MIOX: variants seen among roughly 807,000 people sequenced by gnomAD.
The protein encoded by MIOX is inositol oxygenase.
In MIOX, 51 loss-of-function variants were observed where a neutral mutation model predicts 42.7. That is an observed-to-expected ratio of 1.19 (90% confidence interval 0.95 to 1.51). The LOEUF is 1.51. Ranked by LOEUF, MIOX falls within the 40% of genes most tolerant of loss-of-function variation. MIOX has a pLI of 0.00. For synonymous variants in MIOX, 168 were observed against 154.4 expected, an observed-to-expected ratio of 1.09 and a Z score of -0.65; for missense variants, 395 against 381.3, an observed-to-expected ratio of 1.04 and a Z score of -0.30.
At position 50,489,211 on chromosome 22, in the gene MIOX, C is replaced by G. The variant is rs1174863506; in HGVS notation, c.519-17C>G. The G allele has an allele frequency of 5.6e-6, 9 of 1,610,918 alleles. No homozygotes were observed. The highest frequency in any genetic ancestry group is 6.8e-6 in the Non-Finnish European group (8 of 1,179,754). On this transcript the variant is annotated splice_polypyrimidine_tract_variant and intron_variant, in intron 6 of 9. Coordinates refer to ENST00000216075, the MANE Select transcript of MIOX (RefSeq NM_017584.6). ...GGGCGGCTGCTGAGCCCTCCTCACC[C>G]TGGTATCTCACTGCAGCACAGAGCT...
chr22:50,488,084 G>A (rs777347134), intron 4 of MIOX, 36 bp downstream of exon 4: 1 of 1,611,542 alleles, frequency 6.2e-7, no homozygotes, highest in East Asian at 2.2e-5. Context: ...GGCAGGTGCT[G>A]CCTCCAAGGG....
At chr22:50,488,839 G>A (rs1351324798) in intron 5 of MIOX, among the ~76,000 whole-genome samples, 1 of 79,780 alleles carries the variant, frequency 1.3e-5, no homozygotes, top group African/African-American at 4.6e-5. Flanking sequence ...TCTGCAGTGG[G>A]CAGTCATCGG....
At chr22:50,488,107 A>C (rs1000756854) in intron 4 of MIOX, 59 bp downstream of exon 4, 57 of 1,606,780 alleles carry the variant, frequency 3.5e-5, no homozygotes, top group Non-Finnish European at 4.7e-5. Context: ...AGAATGCAGC[A>C]GCCTGTAGGG....
chr22:50,490,256 T>G lies in MIOX; in HGVS notation c.*400T>G. ...CCACATGCTCAAAACAGTCACCAAG[T>G]CCTCTGGGCTCCGTCCCCTTAAAAA... On this transcript the variant is annotated 3_prime_UTR_variant, in exon 10 of 10. Coordinates refer to ENST00000216075, the MANE Select transcript of MIOX (RefSeq NM_017584.6). 1 of 235,254 alleles carries G rather than the reference T, an allele frequency of 4.3e-6. No homozygotes were observed. Among genetic ancestry groups the G allele is most frequent in the Non-Finnish European group, 8.5e-6 (1 of 117,674 alleles). 14.6% of individuals were successfully genotyped at this position (235,254 alleles called of 1,614,324 possible).
chr22:50,488,228 C>A (rs150083164), intron 4 of MIOX, 47 bp from the exon 5 acceptor site: 69 of 1,611,872 alleles, frequency 4.3e-5, no homozygotes, highest in Non-Finnish European at 5.7e-5. Context: ...TCATCCTCTG[C>A]CTTGGCCCCT....
intron 1 of MIOX, 126 bp downstream of exon 1, chr22:50,487,038 G>A: frequency 1.6e-6 from 2 of 1,261,202 alleles, no homozygotes; most frequent in Non-Finnish European, 2.3e-6. Flanking sequence ...AGAGCCAGCG[G>A]CTGCCGACCC....
intron 5 of MIOX, 125 bp from the exon 6 acceptor site, chr22:50,488,915 C>G: frequency 1.5e-6 from 1 of 657,660 alleles, no homozygotes; most frequent in Admixed American, 2.3e-5. Flanking sequence ...GGGCAGTCAT[C>G]GGTGACACCT....
At chr22:50,489,175 CCCCCTTCCCTGGGCGGCTGCTG>C in intron 6 of MIOX, 26 bp downstream of exon 6, 1 of 1,612,010 alleles carries the variant, frequency 6.2e-7, no homozygotes, top group Non-Finnish European at 8.5e-7. Context: ...GAGGGCTGGG[CCCCCTTCCCTGGGCGGCTGCTG>C]AGCCCTCCTC....
Position 50,490,258 on chromosome 22 carries a change from C to T in MIOX, c.*402C>T, listed in dbSNP as rs1470300479. ...ACATGCTCAAAACAGTCACCAAGTC[C>T]TCTGGGCTCCGTCCCCTTAAAAAAT... On this transcript the variant is annotated 3_prime_UTR_variant, in exon 10 of 10. Coordinates refer to ENST00000216075, the MANE Select transcript of MIOX (RefSeq NM_017584.6). The T allele has an allele frequency of 2.1e-5, 5 of 237,582 alleles. No individual in the cohort carries two copies. In the East Asian group the frequency reaches 3.8e-4, roughly 18 times the overall value. 14.7% of individuals were successfully genotyped at this position (237,582 alleles called of 1,614,324 possible).
At chr22:50,487,014 CG>C (rs2068277329) in intron 1 of MIOX, 102 bp downstream of exon 1, 1 of 1,483,564 alleles carries the variant, frequency 6.7e-7, no homozygotes, top group Non-Finnish European at 9.3e-7. Flanking sequence ...CCTCCTCCTC[CG>C]TCCAGCTGGG....
intron 7 of MIOX, 41 bp downstream of exon 7, chr22:50,489,336 G>A (rs1478523154): frequency 2.0e-6 from 3 of 1,476,122 alleles, no homozygotes; most frequent in South Asian, 2.7e-5. Context: ...GGGGGCGGTG[G>A]GGGACGGTGG....
At chr22:50,488,170 G>A (rs2068298164) in intron 4 of MIOX, 105 bp from the exon 5 acceptor site, 6 of 1,583,920 alleles carry the variant, frequency 3.8e-6, no homozygotes, top group Non-Finnish European at 5.2e-6. Flanking sequence ...TGCCTGGGTT[G>A]GGGAGCAGGC....
Position 50,487,430 on chromosome 22 carries a change from G to A in MIOX, c.61G>A (p.Val21Met). ...CTACCGACCTGATGTGGACCCAGAGGTGGCCAAAGACAAGGCCAGCTTCCG... is the reference window on the plus strand; with the variant it reads ...CTACCGACCTGATGTGGACCCAGAGATGGCCAAAGACAAGGCCAGCTTCCG... Reference protein sequence around the residue: ...LVYRPDVDPEVAKDKASFRNY... With the variant: ...LVYRPDVDPEMAKDKASFRNY... Residue 21 changes from valine to methionine, a missense_variant, in exon 2 of 10, where the codon GTG (valine) becomes ATG (methionine). Transcript: ENST00000216075. The A allele has an allele frequency of 1.2e-6, 2 of 1,613,886 alleles. No homozygotes were observed. The highest frequency in any genetic ancestry group is 1.3e-5 in the African/African-American group (1 of 75,032).
In MIOX at chr22:50,489,457, G is replaced by T. The variant is rs771595141; in HGVS notation, c.636+11G>T. 1 of 1,608,330 alleles carries T rather than the reference G, an allele frequency of 6.2e-7. No homozygotes were observed. Among genetic ancestry groups the T allele is most frequent in the Non-Finnish European group, 8.5e-7 (1 of 1,177,614 alleles). On this transcript the variant is annotated intron_variant, in intron 8 of 9. Transcript: ENST00000216075. ...TCACTGCCCCCTGAGGTAGGTGGGGGGAGGGGCAACGCAGCCCGTCCACCA... is the reference window on the plus strand; with the variant it reads ...TCACTGCCCCCTGAGGTAGGTGGGGTGAGGGGCAACGCAGCCCGTCCACCA...
rs149960733 is a variant in MIOX at position 50,489,441 on chromosome 22, C to G, written c.631C>G (p.Pro211Ala). The G allele has an allele frequency of 7.5e-6, 12 of 1,607,134 alleles. No individual in the cohort carries two copies. The highest frequency in any genetic ancestry group is 8.5e-6 in the Non-Finnish European group (10 of 1,177,428). The change falls in exon 8 of 10, where the codon CCT becomes GCT. Residue 211 changes from proline (P) to alanine (A), a missense_variant. Coordinates refer to ENST00000216075, the MANE Select transcript of MIOX (RefSeq NM_017584.6). The part of the protein sequence containing the change: ...VMKFNKFSLP[P>A]EAFYMIRFHS... ...GAAGTTTAACAAGTTCTCACTGCCC[C>G]CTGAGGTAGGTGGGGGGAGGGGCAA...
intron 5 of MIOX, among the ~76,000 whole-genome samples, chr22:50,488,720 C>T: frequency 8.3e-6 from 1 of 120,108 alleles, no homozygotes; most frequent in East Asian, 3.2e-4. Context: ...GACACCTTCC[C>T]CCACTTCCCC....
At position 50,487,711 on chromosome 22, in the gene MIOX, C is replaced by T. The variant is rs554830267; in HGVS notation, c.146C>T (p.Thr49Met). 5.3e-5 allele frequency: 86 copies of T among 1,613,874 alleles called. No individual in the cohort carries two copies. The East Asian group carries it at 1.4e-3, about 27-fold the overall frequency. Reference sequence around the variant, plus strand: ...TTCACCACCTACAAGCTCATGCACACGCACCAGACAGTGGACTTCGTCAGG... The same window carrying T: ...TTCACCACCTACAAGCTCATGCACATGCACCAGACAGTGGACTTCGTCAGG... ...RVFTTYKLMH[T>M]HQTVDFVRSK... The change falls in exon 3 of 10, where the codon ACG becomes ATG. Residue 49 changes from threonine (T) to methionine (M), a missense_variant. By Grantham distance (81) the Thr-to-Met change is moderately conservative. Transcript: ENST00000216075.
Position 50,487,688 on chromosome 22 carries a change from C to T in MIOX, c.123C>T (p.Phe41=), listed in dbSNP as rs1214481386. The T allele has an allele frequency of 1.2e-6, 2 of 1,613,668 alleles. No homozygotes were observed. Among genetic ancestry groups the T allele is most frequent in the African/African-American group, 2.7e-5 (2 of 74,934 alleles). The change falls in exon 3 of 10, where the codon TTC becomes TTT. Residue 41 remains phenylalanine, a synonymous_variant. Transcript: ENST00000216075. The part of the protein sequence containing the change: ...YTSGPLLDRV[F]TTYKLMHTHQ... ...CAGGTCCCCTCCTGGACCGTGTCTTCACCACCTACAAGCTCATGCACACGC... is the reference window on the plus strand; with the variant it reads ...CAGGTCCCCTCCTGGACCGTGTCTTTACCACCTACAAGCTCATGCACACGC...
Position 50,489,474 on chromosome 22 carries a change from C to A in MIOX, c.636+28C>A, listed in dbSNP as rs376044511. 2.5e-6 allele frequency: 4 copies of A among 1,609,108 alleles called. No homozygotes were observed. The African/African-American group carries it at 4.0e-5, about 16-fold the overall frequency. On this transcript the variant is annotated intron_variant, in intron 8 of 9. Transcript: ENST00000216075. ...AGGTGGGGGGAGGGGCAACGCAGCC[C>A]GTCCACCAGGCCCGGTCCTGCAGCC...
Sources: allele counts gnomAD v4.1 joint callset (sites outside exome capture counted in the v4.1 genomes callset), GRCh38; gene constraint gnomAD v4.1.1; transcripts MANE v1.5; gene names NCBI Gene and HGNC (gene_info 2026-07-23, HGNC 2026-07-21).